SLC25A26: variants seen among roughly 807,000 people sequenced by gnomAD.
SLC25A26 encodes the protein mitochondrial S-adenosylmethionine carrier protein.
Under a neutral mutation model 37.8 loss-of-function variants are expected in SLC25A26, and 36 were observed. The ratio of observed to expected loss-of-function variants is 0.95; its 90% CI spans 0.73 to 1.26. The LOEUF (loss-of-function observed/expected upper bound fraction) is 1.26. SLC25A26 is among the 50% of genes most tolerant of loss of function. The pLI is 0.00. For missense variants in SLC25A26, 390 were observed against 331.1 expected (o/e 1.18, Z -1.38); for synonymous variants, 129 against 122.5 (o/e 1.05, Z -0.35).
intron 1 of SLC25A26, among the ~76,000 whole-genome samples, chr3:66,215,737 T>G (rs2071350972): frequency 6.6e-6 from 1 of 152,244 alleles, no homozygotes; most frequent in African/African-American, 2.4e-5. Flanking sequence ...TTCATTTGAC[T>G]TTCTTTCCAT....
At position 66,144,517 on chromosome 3, in the gene SLC25A26, A is replaced by G. The variant is rs1179690633; in HGVS notation, c.-354+10533A>G. ...TTTGCATCAACTGAGAACACAGAGTATCTGTCAGAATGCTGAGCTGAGGAT... is the reference window on the plus strand; with the variant it reads ...TTTGCATCAACTGAGAACACAGAGTGTCTGTCAGAATGCTGAGCTGAGGAT... On this transcript the variant is annotated intron_variant, in intron 1 of 10. Transcript: ENST00000676754. 2.0e-5 allele frequency among the ~76,000 whole-genome samples: 3 copies of G among 152,176 alleles called. No individual in the cohort carries two copies. The East Asian group carries it at 5.8e-4, about 29-fold the overall frequency.
At chr3:66,222,624 T>C (rs1329934242) in intron 1 of SLC25A26, among the ~76,000 whole-genome samples, 2 of 151,888 alleles carry the variant, frequency 1.3e-5, no homozygotes, top group South Asian at 4.1e-4. Flanking sequence ...TGAACTCTTA[T>C]CCTAATTTTC....
intron 1 of SLC25A26, among the ~76,000 whole-genome samples, chr3:66,224,682 A>T (rs1264225150): frequency 6.6e-6 from 1 of 152,208 alleles, no homozygotes; most frequent in African/African-American, 2.4e-5. Context: ...GTCTTAACTC[A>T]TTTTAGCATT....
upstream of SLC25A26, chr3:66,220,721 A>C: frequency 3.0e-6 from 1 of 330,986 alleles, no homozygotes; most frequent in South Asian, 3.4e-5. Context: ...CGCCACAGCC[A>C]CGCCTCTTCT....
chr3:66,191,365 A>G (rs1362884383), intron 1 of SLC25A26, among the ~76,000 whole-genome samples: 1 of 152,218 alleles, frequency 6.6e-6, no homozygotes, highest in Non-Finnish European at 1.5e-5. Context: ...ACTGCACTCC[A>G]GCCTGGGTGA....
intron 1 of SLC25A26, among the ~76,000 whole-genome samples, chr3:66,148,508 C>T (rs146602339): frequency 2.5e-4 from 38 of 152,320 alleles, no homozygotes; most frequent in Non-Finnish European, 4.0e-4. Context: ...CTAGTCTCAA[C>T]CCAGTGAAAG....
At chr3:66,165,215 C>T (rs548554988) in intron 1 of SLC25A26, among the ~76,000 whole-genome samples, 3 of 152,266 alleles carry the variant, frequency 2.0e-5, no homozygotes, top group Non-Finnish European at 2.9e-5. Context: ...GCCAGTCATG[C>T]GAGTGAGCCG....
chr3:66,141,555 C>T (rs1352943448), intron 1 of SLC25A26, among the ~76,000 whole-genome samples: 1 of 151,622 alleles, frequency 6.6e-6, no homozygotes, highest in Non-Finnish European at 1.5e-5. Context: ...TTCTGTCACC[C>T]AGGCTACAGT....
intron 1 of SLC25A26, among the ~76,000 whole-genome samples, chr3:66,144,829 T>G (rs1014357031): frequency 6.6e-6 from 1 of 152,166 alleles, no homozygotes; most frequent in Non-Finnish European, 1.5e-5. Flanking sequence ...TTCAAAACTC[T>G]AATAATCATA....
chr3:66,287,264 CTAG>C (rs1409969514), intron 5 of SLC25A26, among the ~76,000 whole-genome samples: 1 of 150,418 alleles, frequency 6.6e-6, no homozygotes, highest in Non-Finnish European at 1.5e-5. Flanking sequence ...CCATTGCACT[CTAG>C]CCTGGGCGAC....
chr3:66,320,102 T>C (rs2075654443), intron 5 of SLC25A26, among the ~76,000 whole-genome samples: 1 of 152,208 alleles, frequency 6.6e-6, no homozygotes, highest in Non-Finnish European at 1.5e-5. Flanking sequence ...TATGGTGGTA[T>C]TTATTTAAAA....
upstream of SLC25A26, among the ~76,000 whole-genome samples, chr3:66,220,303 T>C (rs2071433845): frequency 6.6e-6 from 1 of 152,204 alleles, no homozygotes; most frequent in African/African-American, 2.4e-5. Context: ...GTCTGAGATG[T>C]AGTTGGCCCT....
intron 5 of SLC25A26, among the ~76,000 whole-genome samples, chr3:66,319,093 C>G (rs2075621101): frequency 6.6e-6 from 1 of 152,186 alleles, no homozygotes; most frequent in South Asian, 2.1e-4. Flanking sequence ...CACAGCCATC[C>G]TTGAGAAACT....
Position 66,315,546 on chromosome 3 carries a change from G to A in SLC25A26, c.454-30818G>A, listed in dbSNP as rs967814896. Among the ~76,000 whole-genome samples, 4 of 152,078 alleles carry A rather than the reference G, an allele frequency of 2.6e-5. No individual in the cohort carries two copies. The South Asian group carries it at 6.2e-4, about 24-fold the overall frequency. On this transcript the variant is annotated intron_variant, in intron 5 of 9. Transcript: ENST00000354883. ...ACAAGTGATTTTCTTCCAATTGTGC[G>A]ATCAGTTTTAGAGTGCCATGTGGCA...
intron 5 of SLC25A26, among the ~76,000 whole-genome samples, chr3:66,324,533 T>C (rs2107655232): frequency 6.6e-6 from 1 of 152,276 alleles, no homozygotes; most frequent in South Asian, 2.1e-4. Context: ...TTTCTAATCA[T>C]GTGGCTAATT....
At chr3:66,325,095 C>T (rs1222185366) in intron 5 of SLC25A26, among the ~76,000 whole-genome samples, 1 of 152,048 alleles carries the variant, frequency 6.6e-6, no homozygotes, top group Non-Finnish European at 1.5e-5. Flanking sequence ...GATTGACAAC[C>T]CTTGCCTTAT....
intron 9 of SLC25A26, among the ~76,000 whole-genome samples, chr3:66,373,244 C>T (rs371880135): frequency 3.6e-4 from 55 of 152,252 alleles, no homozygotes; most frequent in African/African-American, 1.3e-3. Context: ...TAAGTGCTTA[C>T]GTTTGCTCTC....
At chr3:66,349,748 G>A (rs1468099893) in intron 6 of SLC25A26, among the ~76,000 whole-genome samples, 2 of 152,146 alleles carry the variant, frequency 1.3e-5, no homozygotes, top group East Asian at 1.9e-4. Context: ...TACAGAAGGT[G>A]TATGTTTAAT....
chr3:66,294,169 T>G (rs947533594), intron 5 of SLC25A26, among the ~76,000 whole-genome samples: 1 of 152,152 alleles, frequency 6.6e-6, no homozygotes, highest in Non-Finnish European at 1.5e-5. Flanking sequence ...ATGGAGTGTT[T>G]TTTCATTTGC....
Sources: gnomAD v4.1 joint callset for allele counts (sites outside exome capture counted in the v4.1 genomes callset) on GRCh38, gnomAD v4.1.1 for gene constraint, MANE v1.5 for transcripts, NCBI Gene and HGNC (gene_info 2026-07-23, HGNC 2026-07-21) for gene names.